SETBP1: variants seen among roughly 807,000 people sequenced by gnomAD.
SETBP1 encodes the protein SET-binding protein.
Under a neutral mutation model 101.0 loss-of-function variants are expected in SETBP1, and 9 were observed. That is an observed-to-expected ratio of 0.09 (90% CI 0.05 to 0.16). The LOEUF is 0.16. Among genes scored for constraint, SETBP1 ranks in the 10% least tolerant of loss-of-function variants. SETBP1 has a pLI of 1.00. For missense variants in SETBP1, 1,858 were observed against 2,033.8 expected (o/e 0.91, Z 1.66); for synonymous variants, 818 against 788.5 (o/e 1.04, Z -0.63).
At chr18:44,744,425 G>T (rs1433829076) in intron 2 of SETBP1, among the ~76,000 whole-genome samples, 1 of 152,242 alleles carries the variant, frequency 6.6e-6, no homozygotes. Context: ...CCCTGGCCTG[G>T]CGTGAGGGCT....
At chr18:44,683,628 A>T (rs559780578) in intron 1 of SETBP1, among the ~76,000 whole-genome samples, 1 of 152,328 alleles carries the variant, frequency 6.6e-6, no homozygotes, top group Non-Finnish European at 1.5e-5. Context: ...TCTATATAGT[A>T]TGCAAAAGGA....
intron 2 of SETBP1, among the ~76,000 whole-genome samples, chr18:44,790,306 G>A (rs747302544): frequency 2.5e-4 from 38 of 152,038 alleles, no homozygotes; most frequent in Non-Finnish European, 3.8e-4. Context: ...TCTCTGCTGG[G>A]TACCTTGAAA....
intron 5 of SETBP1, among the ~76,000 whole-genome samples, chr18:45,046,071 C>A (rs34815680): frequency 0.14 from 21,924 of 152,084 alleles, 1,795 homozygotes; most frequent in Non-Finnish European, 0.19. Context: ...CCTATAAGCT[C>A]ATTGATCATT....
chr18:45,054,057 G>T (rs538187821), intron 5 of SETBP1, among the ~76,000 whole-genome samples: 1 of 152,232 alleles, frequency 6.6e-6, no homozygotes, highest in African/African-American at 2.4e-5. Context: ...AGTGTGTTGG[G>T]ACTTGATCCA....
At chr18:45,011,513 C>A (rs1275273551) in intron 4 of SETBP1, among the ~76,000 whole-genome samples, 1 of 152,200 alleles carries the variant, frequency 6.6e-6, no homozygotes, top group Non-Finnish European at 1.5e-5. Context: ...CAGAGTCTCA[C>A]TAGGAAAAAA....
intron 2 of SETBP1, among the ~76,000 whole-genome samples, chr18:44,771,317 G>A (rs753138570): frequency 8.1e-5 from 12 of 148,180 alleles, no homozygotes; most frequent in East Asian, 2.0e-4. Context: ...GTGTGGTTTC[G>A]TCTACCTGGT....
intron 2 of SETBP1, among the ~76,000 whole-genome samples, chr18:44,828,435 T>C (rs1417990008): frequency 6.6e-6 from 1 of 152,246 alleles, no homozygotes; most frequent in Non-Finnish European, 1.5e-5. Context: ...ACTACTGAAC[T>C]TGATGTCTCT....
At chr18:44,827,841 G>A (rs1318370118) in intron 2 of SETBP1, among the ~76,000 whole-genome samples, 2 of 152,142 alleles carry the variant, frequency 1.3e-5, no homozygotes, top group Non-Finnish European at 1.5e-5. Flanking sequence ...AACCAGCTCT[G>A]CCATGGGTAC....
intron 2 of SETBP1, among the ~76,000 whole-genome samples, chr18:44,795,308 C>G (rs189326295): frequency 3.9e-4 from 59 of 152,300 alleles, no homozygotes; most frequent in African/African-American, 1.4e-3. Context: ...TTTAGATCCT[C>G]ATAGTGTCAG....
At chr18:44,936,665 G>T (rs2070964939) in intron 3 of SETBP1, among the ~76,000 whole-genome samples, 1 of 152,144 alleles carries the variant, frequency 6.6e-6, no homozygotes, top group Non-Finnish European at 1.5e-5. Context: ...GCAGTGACCT[G>T]GTCCTCGGAT....
chr18:45,049,029 G>A (rs1487170107), intron 5 of SETBP1, among the ~76,000 whole-genome samples: 1 of 143,818 alleles, frequency 7.0e-6, no homozygotes, highest in African/African-American at 2.6e-5. Flanking sequence ...CCCTGCCCCA[G>A]AGGAGCTTTA....
intron 2 of SETBP1, among the ~76,000 whole-genome samples, chr18:44,784,004 C>A (rs2071189039): frequency 6.6e-6 from 1 of 152,304 alleles, no homozygotes; most frequent in Middle Eastern, 3.4e-3. Context: ...GCCACCCTTG[C>A]CTGATAGGCT....
chr18:44,791,840 G>T (rs1257142145), intron 2 of SETBP1, among the ~76,000 whole-genome samples: 1 of 152,164 alleles, frequency 6.6e-6, no homozygotes, highest in African/African-American at 2.4e-5. Context: ...AGCACAGAGT[G>T]ATGTCAGCTG....
chr18:44,869,681 C>T (rs574327125), intron 3 of SETBP1: 3 of 310,934 alleles, frequency 9.6e-6, no homozygotes, highest in South Asian at 6.0e-5. Flanking sequence ...GCGGCAAATG[C>T]CTCCTAGTCA....
chr18:45,006,073 C>T (rs1455986487), intron 4 of SETBP1, among the ~76,000 whole-genome samples: 2 of 151,274 alleles, frequency 1.3e-5, no homozygotes, highest in African/African-American at 4.9e-5. Flanking sequence ...CCTGCCTCAG[C>T]CTCCTGAGTA....
chr18:44,915,124 G>T (rs373237229), intron 3 of SETBP1, among the ~76,000 whole-genome samples: 145 of 152,168 alleles, frequency 9.5e-4, no homozygotes, highest in Non-Finnish European at 4.9e-4. Context: ...TGCCCAACTT[G>T]GTGATCAAAG....
At chr18:44,965,725 C>A (rs1384738539) in intron 4 of SETBP1, among the ~76,000 whole-genome samples, 2 of 152,156 alleles carry the variant, frequency 1.3e-5, no homozygotes, top group African/African-American at 4.8e-5. Flanking sequence ...TTCTTTCAGT[C>A]TTCCTCCATT....
intron 3 of SETBP1, among the ~76,000 whole-genome samples, chr18:44,892,050 C>G (rs1482328539): frequency 6.6e-6 from 1 of 152,052 alleles, no homozygotes; most frequent in Admixed American, 6.6e-5. Context: ...AGAAATTAAG[C>G]TCAAATGTCT....
At chr18:44,946,663 A>G (rs958508414) in intron 3 of SETBP1, among the ~76,000 whole-genome samples, 1 of 152,214 alleles carries the variant, frequency 6.6e-6, no homozygotes, top group Admixed American at 6.5e-5. Flanking sequence ...ATATTTTGCC[A>G]TGGTAATAGG....
Sources: allele counts gnomAD v4.1 joint callset (sites outside exome capture counted in the v4.1 genomes callset), GRCh38; gene constraint gnomAD v4.1.1; transcripts MANE v1.5; gene names NCBI Gene and HGNC (gene_info 2026-07-23, HGNC 2026-07-21).